The following TTLL1 variants were observed in gnomAD, a reference collection of about 807,000 sequenced individuals.
The protein encoded by TTLL1 is TTL family tubulin polyglutamylase complex subunit L1.
Under a neutral mutation model 47.8 loss-of-function variants are expected in TTLL1, and 33 were observed. That is an observed-to-expected ratio of 0.69 (90% confidence interval 0.52 to 0.92). The LOEUF is 0.92. Ranked by LOEUF, TTLL1 falls within the 40% of genes least tolerant of loss-of-function variation. TTLL1 has a pLI of 0.00. For synonymous variants in TTLL1, 225 were observed against 214.1 expected, an observed-to-expected ratio of 1.05 and a Z score of -0.45; for missense variants, 488 against 547.5, an observed-to-expected ratio of 0.89 and a Z score of 1.08.
In TTLL1 at chr22:43,068,944, C is replaced by T. The variant is rs117731719; in HGVS notation, c.323-354G>A. 5.0e-3 allele frequency among the ~76,000 whole-genome samples: 764 copies of T among 152,166 alleles called. 3 individuals are homozygous for T. The highest frequency in any genetic ancestry group is 7.4e-3 in the Non-Finnish European group (502 of 68,008). ...TGAAGAAATCTGAAACTATTCAGTC[C>T]AGCTTTTATCCCGGACTTGGACAGG... On this transcript the variant is annotated intron_variant, in intron 4 of 10. Transcript: ENST00000266254.
intron 3 of TTLL1, among the ~76,000 whole-genome samples, chr22:43,070,713 A>T (rs1357761815): frequency 6.6e-6 from 1 of 152,048 alleles, no homozygotes; most frequent in Admixed American, 6.6e-5. Flanking sequence ...TCACCAGTTA[A>T]CGGCACGTGG....
chr22:43,080,759 C>T (rs1350664806), intron 1 of TTLL1, among the ~76,000 whole-genome samples: 1 of 102,792 alleles, frequency 9.7e-6, no homozygotes, highest in Non-Finnish European at 2.5e-5. Flanking sequence ...GCTAAGGTGC[C>T]CTCCCCAGAC....
intron 2 of TTLL1, among the ~76,000 whole-genome samples, chr22:43,077,577 C>G (rs527379956): frequency 5.9e-5 from 9 of 152,306 alleles, no homozygotes; most frequent in African/African-American, 2.2e-4. Context: ...GATGGAGAAA[C>G]TGGCTGCTGT....
rs535233970 is a variant in TTLL1, at chr22:43,069,425, A to T, written c.322+211T>A. Among the ~76,000 whole-genome samples, 3 of 150,628 alleles carry T rather than the reference A, an allele frequency of 2.0e-5. No homozygotes were observed. The South Asian group carries it at 6.3e-4, about 31-fold the overall frequency. ...AAAAAAAAAAACGCCATGCCAGGCA[A>T]TTCCCAAGGCACTCACAGAAACTAG... is the stretch of plus-strand genomic sequence containing the variant. On this transcript the variant is annotated intron_variant, in intron 4 of 10. Coordinates refer to ENST00000266254, the MANE Select transcript of TTLL1 (RefSeq NM_012263.5).
intron 5 of TTLL1, among the ~76,000 whole-genome samples, chr22:43,067,865 G>A (rs1156656385): frequency 2.0e-5 from 3 of 151,578 alleles, no homozygotes; most frequent in South Asian, 2.1e-4. Context: ...AGTGCATGGC[G>A]CGATCTCAGC....
In TTLL1 at chr22:43,068,564, G is replaced by T. The variant is rs1381320184; in HGVS notation, c.349C>A (p.Pro117Thr). 1 of 1,541,196 alleles carries T rather than the reference G, an allele frequency of 6.5e-7. No homozygotes were observed. The highest frequency in any genetic ancestry group is 1.2e-5 in the South Asian group (1 of 82,688). ...TCTACAAACAGGTTGTAGTCAGCGGGCAGCATATAGGTGACTGGAACAAAG... is the reference window on the plus strand; with the variant it reads ...TCTACAAACAGGTTGTAGTCAGCGGTCAGCATATAGGTGACTGGAACAAAG... The part of the protein sequence containing the change: ...LDFVPVTYML[P>T]ADYNLFVEEF... The change falls in exon 5 of 11, where the codon CCC becomes ACC. Residue 117 changes from proline to threonine, a missense_variant. By Grantham distance (38) the Pro-to-Thr change is conservative. Transcript: ENST00000266254.
chr22:43,088,632 C>T (rs946119171), intron 1 of TTLL1, among the ~76,000 whole-genome samples: 7 of 151,868 alleles, frequency 4.6e-5, no homozygotes, highest in African/African-American at 1.5e-4. Flanking sequence ...CGTGAGCCAC[C>T]GTGCCCGGCC....
intron 1 of TTLL1, among the ~76,000 whole-genome samples, chr22:43,088,928 G>A (rs1156937445): frequency 3.9e-5 from 6 of 152,146 alleles, no homozygotes; most frequent in Admixed American, 3.3e-4. Context: ...CTCTCCACAG[G>A]TACATTGCGC....
At chr22:43,044,495 T>C (rs993735008) in intron 10 of TTLL1, among the ~76,000 whole-genome samples, 4 of 149,910 alleles carry the variant, frequency 2.7e-5, no homozygotes, top group Non-Finnish European at 5.9e-5. Context: ...CGTCTCTGTG[T>C]GTGTGTGTAA....
chr22:43,058,204 A>G lies in TTLL1; in HGVS notation c.891+1180T>C, dbSNP rs955926987. Among the ~76,000 whole-genome samples, 3 of 152,200 alleles carry G rather than the reference A, an allele frequency of 2.0e-5. No homozygotes were observed. The East Asian group carries it at 5.8e-4, about 29-fold the overall frequency. On this transcript the variant is annotated intron_variant, in intron 8 of 10. Transcript: ENST00000266254. ...CGTGATCTGCGCACCTTGGCCTCCC[A>G]AAGTGCTGGGATTACAGGTGTGAGC...
intron 4 of TTLL1, 63 bp from the exon 5 acceptor site, chr22:43,068,653 G>A: frequency 7.4e-7 from 1 of 1,354,234 alleles, no homozygotes; most frequent in Non-Finnish European, 9.6e-7. Flanking sequence ...TGAACAGAAA[G>A]ATCTTGCCCT....
intron 10 of TTLL1, among the ~76,000 whole-genome samples, chr22:43,042,509 G>T (rs1208888558): frequency 6.6e-6 from 1 of 152,220 alleles, no homozygotes; most frequent in African/African-American, 2.4e-5. Context: ...TTCGGAACAG[G>T]GTCCTGGAGG....
chr22:43,070,091 G>A (rs1339908241), intron 3 of TTLL1: 38 of 1,299,726 alleles, frequency 2.9e-5, no homozygotes, highest in Admixed American at 1.8e-4. Context: ...TCTCTGGCCC[G>A]GAGCAGGCAC....
At chr22:43,054,460 T>G (rs531965346) in intron 8 of TTLL1, among the ~76,000 whole-genome samples, 39 of 151,754 alleles carry the variant, frequency 2.6e-4, no homozygotes, top group Non-Finnish European at 4.7e-4. Flanking sequence ...GTTTTGCTCT[T>G]GTTGCCCAGG....
At chr22:43,066,919 G>A (rs1048602797) in intron 5 of TTLL1, among the ~76,000 whole-genome samples, 14 of 151,712 alleles carry the variant, frequency 9.2e-5, no homozygotes, top group African/African-American at 3.1e-4. Flanking sequence ...CCTGGGAGGC[G>A]TGAGGTTGCA....
At position 43,063,808 on chromosome 22, in the gene TTLL1, C is replaced by T. The variant is rs1927545599; in HGVS notation, c.747+5G>A. The stretch of plus-strand genomic sequence containing the variant: ...CTGTAAGCACAAATGAAAGGACACA[C>T]TCACCCCGTGTTTCTGGATGGCGAC... On this transcript the variant is annotated splice_donor_5th_base_variant and intron_variant, in intron 7 of 10. Coordinates refer to ENST00000266254, the MANE Select transcript of TTLL1 (RefSeq NM_012263.5). 6.2e-7 allele frequency: 1 copy of T among 1,613,328 alleles called. No individual in the cohort carries two copies. The highest frequency in any genetic ancestry group is 1.1e-5 in the South Asian group (1 of 91,070).
chr22:43,088,037 A>G (rs2146999461), intron 1 of TTLL1, among the ~76,000 whole-genome samples: 1 of 151,656 alleles, frequency 6.6e-6, no homozygotes, highest in South Asian at 2.1e-4. Context: ...AATCACAGCT[A>G]CATGGGAGGC....
At position 43,065,590 on chromosome 22, in the gene TTLL1, A is replaced by G. The variant is rs369176829; in HGVS notation, c.504-1266T>C. On this transcript the variant is annotated intron_variant, in intron 5 of 10. Coordinates refer to ENST00000266254, the MANE Select transcript of TTLL1 (RefSeq NM_012263.5). ...CAGGCTTGTGCCACACACATGGCCA[A>G]ATTTTTTTTTTTGAGATGGTCTTGC... Among the ~76,000 whole-genome samples, 15 of 149,852 alleles carry G rather than the reference A, an allele frequency of 1.0e-4. No individual in the cohort carries two copies. The South Asian group carries it at 3.0e-3, about 30-fold the overall frequency.
intron 8 of TTLL1, among the ~76,000 whole-genome samples, chr22:43,058,913 G>A (rs771077415): frequency 6.6e-6 from 1 of 152,098 alleles, no homozygotes; most frequent in African/African-American, 2.4e-5. Context: ...GGCTGGTCTT[G>A]AACTTCTGAC....
Sources: gnomAD v4.1 joint callset for allele counts (sites outside exome capture counted in the v4.1 genomes callset) on GRCh38, gnomAD v4.1.1 for gene constraint, MANE v1.5 for transcripts, NCBI Gene and HGNC (gene_info 2026-07-23, HGNC 2026-07-21) for gene names.